Variants in ZNF236 observed in about 807,000 individuals in gnomAD.
The protein encoded by ZNF236 is zinc finger protein 236, also known as regulated by glucose.
In ZNF236, 50 loss-of-function variants were observed where a neutral mutation model predicts 191.2. The ratio of observed to expected loss-of-function variants is 0.26; its 90% CI spans 0.21 to 0.33. ZNF236 has a LOEUF of 0.33. Among genes scored for constraint, ZNF236 ranks in the 10% least tolerant of loss-of-function variants. The pLI, the probability that ZNF236 is intolerant of heterozygous loss-of-function variation, is 1.00. For missense variants in ZNF236, 1,754 were observed against 2,374.5 expected (o/e 0.74, Z 5.43); for synonymous variants, 907 against 928.8 (o/e 0.98, Z 0.43).
intron 14 of ZNF236, among the ~76,000 whole-genome samples, chr18:76,908,886 T>C (rs1967132341): frequency 6.6e-6 from 1 of 152,184 alleles, no homozygotes; most frequent in East Asian, 1.9e-4. Context: ...CAGCAAAATC[T>C]ACCGTCCTTA....
chr18:76,850,441 C>G (rs1975825268), intron 2 of ZNF236, among the ~76,000 whole-genome samples: 1 of 152,160 alleles, frequency 6.6e-6, no homozygotes, highest in Non-Finnish European at 1.5e-5. Flanking sequence ...TCTGAAGATA[C>G]TGACTTATTC....
intron 28 of ZNF236, 80 bp downstream of exon 28, chr18:76,956,262 GGA>G: frequency 6.7e-7 from 1 of 1,487,752 alleles, no homozygotes; most frequent in Non-Finnish European, 9.0e-7. Flanking sequence ...ACACTGGCCG[GGA>G]ATCTGGCATG....
At chr18:76,874,772 C>T (rs541006429) in intron 5 of ZNF236, among the ~76,000 whole-genome samples, 5 of 486 alleles carry the variant, frequency 0.01, no homozygotes, top group East Asian at 0.12. Context: ...TTCAGAGGCC[C>T]GGAAGTGGAG....
At chr18:76,843,775 CAAAAAAA>C (rs780026489) in intron 1 of ZNF236, among the ~76,000 whole-genome samples, 99 of 8,252 alleles carry the variant, frequency 0.012, 2 homozygotes, top group South Asian at 0.025. Context: ...GACTCCGTCT[CAAAAAAA>C]AAAAAAAAAA....
At chr18:76,870,412 G>T (rs549504745) in intron 4 of ZNF236, among the ~76,000 whole-genome samples, 1 of 152,258 alleles carries the variant, frequency 6.6e-6, no homozygotes, top group East Asian at 1.9e-4. Context: ...TTCCTTGGAG[G>T]TTTGAAAGAT....
At chr18:76,879,704 T>A (rs1167600755) in intron 7 of ZNF236, among the ~76,000 whole-genome samples, 1 of 152,224 alleles carries the variant, frequency 6.6e-6, no homozygotes, top group Non-Finnish European at 1.5e-5. Context: ...TCCTCCAGTC[T>A]CCTTGCAGGA....
chr18:76,931,014 A>G (rs1568236098), intron 25 of ZNF236: 2 of 152,238 alleles, frequency 1.3e-5, no homozygotes, highest in Non-Finnish European at 1.5e-5. Flanking sequence ...ACACTTGCCA[A>G]TACGCATCTT....
intron 14 of ZNF236, 31 bp from the exon 15 acceptor site, chr18:76,910,037 T>A (rs747534519): frequency 6.5e-7 from 1 of 1,546,840 alleles, no homozygotes; most frequent in Admixed American, 1.7e-5. Flanking sequence ...TCCAAATGTA[T>A]GCGTCCCCCT....
At chr18:76,966,252 A>G (rs1968772179) in intron 30 of ZNF236, among the ~76,000 whole-genome samples, 1 of 152,076 alleles carries the variant, frequency 6.6e-6, no homozygotes, top group Non-Finnish European at 1.5e-5. Flanking sequence ...CCCATCCGCC[A>G]TGATCTCTGG....
At position 76,972,299 on chromosome 18, in the gene ZNF236, C is replaced by G. The variant is rs1187935816; in HGVS notation, c.*3960C>G. Among the ~76,000 whole-genome samples the G allele has an allele frequency of 1.3e-5, 2 of 152,252 alleles. No homozygotes were observed. Among genetic ancestry groups the G allele is most frequent in the Non-Finnish European group, 2.9e-5 (2 of 68,042 alleles). ...TCGTGGGCCAGATGCCCACATATTCCTAGCAGAGACATGTTCTTTGTCATG... is the reference window on the plus strand; with the variant it reads ...TCGTGGGCCAGATGCCCACATATTCGTAGCAGAGACATGTTCTTTGTCATG... On this transcript the variant is annotated 3_prime_UTR_variant, in exon 31 of 31. Coordinates refer to ENST00000320610, the MANE Select transcript of ZNF236 (RefSeq NM_001306089.2).
chr18:76,891,245 TG>T (rs1977223680), intron 9 of ZNF236, among the ~76,000 whole-genome samples: 1 of 152,240 alleles, frequency 6.6e-6, no homozygotes. Flanking sequence ...CTTTTTTAAC[TG>T]GGGAAATATT....
In ZNF236 at chr18:76,919,556, C is replaced by T. The variant is rs551742152; in HGVS notation, c.3275-220C>T. Reference sequence around the variant, plus strand: ...CACCCCTTCACCAACCTCTGTTCATCCCCCGCCCCCCACTTTCCAGTACAC... The same window carrying T: ...CACCCCTTCACCAACCTCTGTTCATTCCCCGCCCCCCACTTTCCAGTACAC... On this transcript the variant is annotated intron_variant, in intron 19 of 30. Transcript: ENST00000320610. The surrounding 1 kb of genome is among the most constrained non-coding windows in gnomAD (Gnocchi z 5.3). 3.9e-5 allele frequency among the ~76,000 whole-genome samples: 6 copies of T among 152,262 alleles called. No homozygotes were observed. The highest frequency in any genetic ancestry group is 7.4e-5 in the Non-Finnish European group (5 of 68,016).
chr18:76,855,831 C>T (rs540819785), intron 3 of ZNF236, among the ~76,000 whole-genome samples: 1 of 152,220 alleles, frequency 6.6e-6, no homozygotes, highest in Admixed American at 6.5e-5. Flanking sequence ...GCACAGCCTC[C>T]ATTGCTACGA....
At chr18:76,913,927 A>C (rs1201670541) in intron 18 of ZNF236, 29 bp downstream of exon 18, 1 of 1,610,200 alleles carries the variant, frequency 6.2e-7, no homozygotes, top group Non-Finnish European at 8.5e-7. Context: ...CTTGGAGATT[A>C]GTCCTTTAAA....
In ZNF236 at chr18:76,927,974, C is replaced by G; in HGVS notation, c.4462C>G (p.Pro1488Ala). The change falls in exon 25 of 31, where the codon CCC becomes GCC. Residue 1488 changes from proline (P) to alanine (A), a missense_variant. Pro to Ala is a conservative substitution (Grantham distance 27). Transcript: ENST00000320610. The surrounding 1 kb of genome is among the most constrained non-coding windows in gnomAD (Gnocchi z 5.4). ...GATGACTTCGCAAGGTCTAGTGTCC[C>G]CCTCCGGCGGTCCCCACGAGATCAC... ...QVMTSQGLVS[P>A]SGGPHEITLT... 6.2e-7 allele frequency: 1 copy of G among 1,613,556 alleles called. No individual in the cohort carries two copies. The highest frequency in any genetic ancestry group is 8.5e-7 in the Non-Finnish European group (1 of 1,179,760).
chr18:76,827,119 C>G (rs189869067), intron 1 of ZNF236, among the ~76,000 whole-genome samples: 149 of 152,238 alleles, frequency 9.8e-4, no homozygotes, highest in East Asian at 3.5e-3. Context: ...TAGTCTCGAA[C>G]TCCTGACCTC....
Position 76,904,642 on chromosome 18 carries a change from A to G in ZNF236, c.2036+121A>G, listed in dbSNP as rs72983401. 1,741 of 782,826 alleles carry G rather than the reference A, an allele frequency of 2.2e-3. 6 individuals carry two copies. The highest frequency in any genetic ancestry group is 2.8e-3 in the Non-Finnish European group (1,572 of 553,600). 48.5% of individuals were successfully genotyped at this position (782,826 alleles called of 1,614,324 possible). ...TTTGGTATTAAAGATGTCACATTTG[A>G]CTCCAAAACATTTATTGGTAATTAA... On this transcript the variant is annotated intron_variant, in intron 12 of 30. Transcript: ENST00000320610.
chr18:76,938,753 T>C (rs1245709806), intron 26 of ZNF236, among the ~76,000 whole-genome samples: 1 of 152,134 alleles, frequency 6.6e-6, no homozygotes, highest in African/African-American at 2.4e-5. Context: ...TCCTGCTCAC[T>C]GGACACAGGG....
chr18:76,951,211 T>C (rs866937597), intron 27 of ZNF236, among the ~76,000 whole-genome samples: 5 of 152,342 alleles, frequency 3.3e-5, no homozygotes, highest in Middle Eastern at 6.8e-3. Context: ...CACTAGCCCC[T>C]CACAAGAGAG....
Sources: gnomAD v4.1 joint callset for allele counts (sites outside exome capture counted in the v4.1 genomes callset) on GRCh38, gnomAD v4.1.1 for gene constraint, Gnocchi (gnomAD v3.1) non-coding constraint, MANE v1.5 for transcripts, NCBI Gene and HGNC (gene_info 2026-07-23, HGNC 2026-07-21) for gene names.